PHF24: variants seen among roughly 807,000 people sequenced by gnomAD.
PHF24 encodes the protein PHD finger protein 24, also known as Galpha inhibitory interacting protein.
Under a neutral mutation model 42.6 loss-of-function variants are expected in PHF24, and 25 were observed. The observed-to-expected ratio is 0.59, with a 90% confidence interval of 0.43 to 0.82. The LOEUF is 0.82. Among genes scored for constraint, PHF24 ranks in the 40% least tolerant of loss-of-function variants. PHF24 has a pLI of 0.00. For missense variants in PHF24, 470 were observed against 538.1 expected, an observed-to-expected ratio of 0.87 and a Z score of 1.25; for synonymous variants, 185 against 204.8, an observed-to-expected ratio of 0.90 and a Z score of 0.83.
the PHF24 span, among the ~76,000 whole-genome samples, chr9:34,942,813 C>A: frequency 6.6e-6 from 1 of 151,762 alleles, no homozygotes; most frequent in Non-Finnish European, 1.5e-5. Flanking sequence ...AACACTTGGA[C>A]CAAAGGCGGG....
chr9:34,686,400 G>A, the PHF24 span, among the ~76,000 whole-genome samples: 1 of 152,202 alleles, frequency 6.6e-6, no homozygotes, highest in Non-Finnish European at 1.5e-5. Context: ...GCTGTCTTGA[G>A]AACTGGATGT....
the PHF24 span, among the ~76,000 whole-genome samples, chr9:34,728,894 A>C: frequency 6.6e-6 from 1 of 152,192 alleles, no homozygotes; most frequent in African/African-American, 2.4e-5. Flanking sequence ...TTCACAGAGA[A>C]GTCCTGCTGG....
the PHF24 span, among the ~76,000 whole-genome samples, chr9:34,790,769 A>G: frequency 6.6e-6 from 1 of 152,246 alleles, no homozygotes; most frequent in Non-Finnish European, 1.5e-5. Flanking sequence ...TGGTCAGGGA[A>G]GGTCCGTCTG....
chr9:34,735,388 G>A, the PHF24 span, among the ~76,000 whole-genome samples: 1 of 151,084 alleles, frequency 6.6e-6, no homozygotes, highest in Non-Finnish European at 1.5e-5. Context: ...GCCCACCTCG[G>A]CCTCCCAAAG....
chr9:34,748,300 A>G, the PHF24 span, among the ~76,000 whole-genome samples: 1 of 152,224 alleles, frequency 6.6e-6, no homozygotes, highest in African/African-American at 2.4e-5. Flanking sequence ...GTTCCCACCC[A>G]AATCTCATGT....
At chr9:34,792,127 G>A in the PHF24 span, among the ~76,000 whole-genome samples, 1 of 152,200 alleles carries the variant, frequency 6.6e-6, no homozygotes, top group Non-Finnish European at 1.5e-5. Flanking sequence ...ATCATTGAAG[G>A]TACATCCCTA....
chr9:34,726,567 T>G, the PHF24 span: 36 of 1,551,714 alleles, frequency 2.3e-5, no homozygotes, highest in East Asian at 1.5e-4. Flanking sequence ...GGCTTCTCAA[T>G]CCTTGAAGAA....
chr9:34,780,211 A>G, the PHF24 span, among the ~76,000 whole-genome samples: 2 of 152,182 alleles, frequency 1.3e-5, no homozygotes, highest in Non-Finnish European at 2.9e-5. Context: ...TAAAACTCTT[A>G]GAAGAAAATA....
the PHF24 span, chr9:34,726,848 C>T: frequency 1.9e-6 from 3 of 1,551,630 alleles, no homozygotes; most frequent in Non-Finnish European, 2.6e-6. Context: ...CTGCAATGGC[C>T]CCGATAAAGT....
Position 34,977,078 on chromosome 9 carries a change from C to T in PHF24, c.850-5C>T. 6.3e-7 allele frequency: 1 copy of T among 1,586,210 alleles called. No homozygotes were observed. Among genetic ancestry groups the T allele is most frequent in the Non-Finnish European group, 8.6e-7 (1 of 1,165,608 alleles). On this transcript the variant is annotated splice_polypyrimidine_tract_variant and splice_region_variant and intron_variant, in intron 5 of 7. Transcript: ENST00000242315. ...ACCTCTAAGATCTTGTCTCTTCTTC[C>T]CCAGAACTCTCTGTTGAGGCTTCTG... is the stretch of plus-strand genomic sequence containing the variant.
the PHF24 span, among the ~76,000 whole-genome samples, chr9:34,686,714 A>G: frequency 6.6e-6 from 1 of 152,216 alleles, no homozygotes; most frequent in South Asian, 2.1e-4. Flanking sequence ...TTGAACCTGT[A>G]ACAGATGCCA....
the PHF24 span, among the ~76,000 whole-genome samples, chr9:34,927,426 C>G: frequency 6.6e-6 from 1 of 152,036 alleles, no homozygotes; most frequent in Non-Finnish European, 1.5e-5. Context: ...GCAGCTTGGC[C>G]CACAGGGAGT....
the PHF24 span, among the ~76,000 whole-genome samples, chr9:34,773,286 G>A: frequency 6.4e-4 from 97 of 152,258 alleles, no homozygotes; most frequent in Non-Finnish European, 1.1e-3. Flanking sequence ...CACCGTGCCC[G>A]GCCCAGAGTT....
chr9:34,932,882 CTCTCT>C, the PHF24 span, among the ~76,000 whole-genome samples: 2 of 151,876 alleles, frequency 1.3e-5, no homozygotes, highest in African/African-American at 4.8e-5. Flanking sequence ...ATCACTGCTT[CTCTCT>C]TCTCTATCAC....
chr9:34,684,821 T>C, the PHF24 span, among the ~76,000 whole-genome samples: 1 of 152,116 alleles, frequency 6.6e-6, no homozygotes, highest in Non-Finnish European at 1.5e-5. Context: ...AGAATGGTAG[T>C]GTTCCTGTGG....
At chr9:34,883,184 C>T in the PHF24 span, among the ~76,000 whole-genome samples, 72,332 of 151,670 alleles carry the variant, frequency 0.48, 17,747 homozygotes, top group Non-Finnish European at 0.54. Context: ...AAACTGGATC[C>T]CTTCCTTACA....
At chr9:34,728,162 T>G in the PHF24 span, 1 of 1,284,016 alleles carries the variant, frequency 7.8e-7, no homozygotes, top group Non-Finnish European at 1.1e-6. Context: ...GTAAGGCCTT[T>G]GACTCTCATC....
At chr9:34,939,185 CAG>C in the PHF24 span, among the ~76,000 whole-genome samples, 1 of 151,956 alleles carries the variant, frequency 6.6e-6, no homozygotes, top group East Asian at 1.9e-4. Context: ...GAGGCTGAGA[CAG>C]AGAATTGCTT....
the PHF24 span, among the ~76,000 whole-genome samples, chr9:34,927,370 G>T: frequency 1.3e-5 from 2 of 152,104 alleles, no homozygotes; most frequent in Non-Finnish European, 2.9e-5. Flanking sequence ...CCAGAACAGG[G>T]TGTGCTTCAG....
Sources: gnomAD v4.1 joint callset for allele counts (sites outside exome capture counted in the v4.1 genomes callset) on GRCh38, gnomAD v4.1.1 for gene constraint, MANE v1.5 for transcripts, NCBI Gene and HGNC (gene_info 2026-07-23, HGNC 2026-07-21) for gene names.